TENM4: variants seen among roughly 807,000 people sequenced by gnomAD.
TENM4 encodes the protein teneurin-4.
TENM4 carries 82 observed loss-of-function variants against 243.3 expected under a neutral mutation model. The observed-to-expected ratio is 0.34, with a 90% CI of 0.28 to 0.40. The LOEUF (loss-of-function observed/expected upper bound fraction) is 0.40. TENM4 is among the 10% of genes least tolerant of loss of function. The pLI is 1.00. For missense variants in TENM4, 3,138 were observed against 3,673.3 expected (o/e 0.85, Z 3.77); for synonymous variants, 1,412 against 1,456.3 (o/e 0.97, Z 0.69).
intron 1 of TENM4, among the ~76,000 whole-genome samples, chr11:79,384,236 T>G (rs1858063352): frequency 6.6e-6 from 1 of 152,244 alleles, no homozygotes; most frequent in African/African-American, 2.4e-5. Context: ...CAATAGGACC[T>G]AATCAGTATT....
At chr11:78,751,844 G>T (rs1361828715) in intron 19 of TENM4, among the ~76,000 whole-genome samples, 2 of 152,096 alleles carry the variant, frequency 1.3e-5, no homozygotes, top group African/African-American at 2.4e-5. Context: ...TCTTTGTATT[G>T]ACAGTGCAGT....
intron 2 of TENM4, among the ~76,000 whole-genome samples, chr11:79,232,355 C>A (rs770242366): frequency 6.6e-6 from 1 of 152,236 alleles, no homozygotes; most frequent in Non-Finnish European, 1.5e-5. Flanking sequence ...GGGGCAGAGT[C>A]TTCAGGCGCA....
chr11:79,085,998 T>G (rs751471942), intron 4 of TENM4, among the ~76,000 whole-genome samples: 1 of 152,208 alleles, frequency 6.6e-6, no homozygotes, highest in Non-Finnish European at 1.5e-5. Flanking sequence ...CCTGTATTTA[T>G]TACTAAGTCA....
chr11:78,693,783 G>C (rs1023108056), intron 28 of TENM4, among the ~76,000 whole-genome samples: 6 of 152,198 alleles, frequency 3.9e-5, no homozygotes, highest in South Asian at 4.1e-4. Context: ...GGAGGCCAAG[G>C]GGGGTGGATC....
chr11:79,298,333 G>A (rs531905743), intron 1 of TENM4, among the ~76,000 whole-genome samples: 13 of 151,696 alleles, frequency 8.6e-5, no homozygotes, highest in African/African-American at 3.1e-4. Flanking sequence ...GGCTAACAAG[G>A]TGAAACCCCG....
chr11:79,363,467 C>T (rs1857624776), intron 1 of TENM4, among the ~76,000 whole-genome samples: 1 of 152,234 alleles, frequency 6.6e-6, no homozygotes, highest in African/African-American at 2.4e-5. Context: ...TGACTTGTGG[C>T]TGTGCCACTT....
intron 3 of TENM4, among the ~76,000 whole-genome samples, chr11:79,199,911 C>A (rs1863705675): frequency 1.3e-5 from 2 of 152,154 alleles, no homozygotes; most frequent in African/African-American, 4.8e-5. Flanking sequence ...AAAGTGGTTC[C>A]CTGGGGTTGG....
chr11:78,666,914 G>A (rs961141441), intron 32 of TENM4, among the ~76,000 whole-genome samples: 1 of 152,190 alleles, frequency 6.6e-6, no homozygotes, highest in African/African-American at 2.4e-5. Context: ...CAAAGGAAAA[G>A]GGGGAGGGAG....
At chr11:79,143,513 A>G (rs898289266) in intron 4 of TENM4, among the ~76,000 whole-genome samples, 18 of 151,792 alleles carry the variant, frequency 1.2e-4, no homozygotes, top group African/African-American at 4.1e-4. Flanking sequence ...ACATCACACA[A>G]TGGAGCCTGT....
At chr11:79,051,657 C>A (rs1037146263) in intron 6 of TENM4, among the ~76,000 whole-genome samples, 49 of 152,222 alleles carry the variant, frequency 3.2e-4, no homozygotes, top group African/African-American at 1.2e-3. Flanking sequence ...AATAACAACC[C>A]CTGTTTTTCT....
chr11:79,405,724 G>GGATTTCAT (rs1858552812), intron 1 of TENM4, among the ~76,000 whole-genome samples: 2 of 151,518 alleles, frequency 1.3e-5, no homozygotes, highest in Non-Finnish European at 2.9e-5. Context: ...TTTTGTCCAG[G>GGATTTCAT]GATTTCATAA....
In TENM4 at chr11:78,708,527, G is replaced by A; in HGVS notation, c.4055-12C>T. Reference sequence around the variant, plus strand: ...GTCCACTGTAATGCCTGGGGGCAGAGAAGCCAAAACAGGAACTCAGCATCA... The same window carrying A: ...GTCCACTGTAATGCCTGGGGGCAGAAAAGCCAAAACAGGAACTCAGCATCA... On this transcript the variant is annotated splice_polypyrimidine_tract_variant and intron_variant, in intron 26 of 33. Coordinates refer to ENST00000278550, the MANE Select transcript of TENM4 (RefSeq NM_001098816.3). 1 of 1,612,866 alleles carries A rather than the reference G, an allele frequency of 6.2e-7. No individual in the cohort carries two copies. Among genetic ancestry groups the A allele is most frequent in the Non-Finnish European group, 8.5e-7 (1 of 1,179,396 alleles).
At chr11:79,188,439 G>C (rs1458822594) in intron 3 of TENM4, among the ~76,000 whole-genome samples, 1 of 152,042 alleles carries the variant, frequency 6.6e-6, no homozygotes, top group Non-Finnish European at 1.5e-5. Context: ...CCCAGCTTAT[G>C]AACCCTAGAG....
chr11:78,956,524 G>T (rs1857209468), intron 6 of TENM4, among the ~76,000 whole-genome samples: 1 of 152,178 alleles, frequency 6.6e-6, no homozygotes, highest in Non-Finnish European at 1.5e-5. Context: ...AGTGATTATG[G>T]ATAAACAATA....
At chr11:78,839,017 A>C (rs1390349927) in intron 12 of TENM4, among the ~76,000 whole-genome samples, 1 of 152,156 alleles carries the variant, frequency 6.6e-6, no homozygotes, top group African/African-American at 2.4e-5. Flanking sequence ...TTTACATGTA[A>C]CTGGTAATAT....
At chr11:79,033,472 C>T (rs1459644157) in intron 6 of TENM4, among the ~76,000 whole-genome samples, 1 of 152,212 alleles carries the variant, frequency 6.6e-6, no homozygotes. Context: ...GTCCTCCCAA[C>T]AATGCGGTGA....
intron 12 of TENM4, among the ~76,000 whole-genome samples, chr11:78,843,974 C>T (rs1387467015): frequency 6.6e-6 from 1 of 152,224 alleles, no homozygotes; most frequent in African/African-American, 2.4e-5. Flanking sequence ...TAGGTGTTCA[C>T]TGACCCTCTG....
chr11:79,256,845 C>T (rs554433386), intron 2 of TENM4, among the ~76,000 whole-genome samples: 26 of 152,208 alleles, frequency 1.7e-4, no homozygotes, highest in South Asian at 2.1e-4. Context: ...AACTCAGTTA[C>T]GTTACTAATC....
chr11:79,192,987 A>C (rs577851243), intron 3 of TENM4: 1 of 152,468 alleles, frequency 6.6e-6, no homozygotes, highest in South Asian at 2.1e-4. Context: ...AAGGAGCCTC[A>C]CAAGTTCCTC....
Sources: allele counts gnomAD v4.1 joint callset (sites outside exome capture counted in the v4.1 genomes callset), GRCh38; gene constraint gnomAD v4.1.1; transcripts MANE v1.5; gene names NCBI Gene and HGNC (gene_info 2026-07-23, HGNC 2026-07-21).